The following CDH12 variants were observed in gnomAD, a reference collection of about 807,000 sequenced individuals.
The protein encoded by CDH12 is cadherin 12, also known as cadherin-12.
CDH12 carries 41 observed loss-of-function variants against 74.1 expected under a neutral mutation model. The ratio of observed to expected loss-of-function variants is 0.55; its 90% CI spans 0.43 to 0.72. The LOEUF (loss-of-function observed/expected upper bound fraction) is 0.72. Among genes scored for constraint, CDH12 ranks in the 30% least tolerant of loss-of-function variants. CDH12 has a pLI of 0.00. For synonymous variants in CDH12, 399 were observed against 355.0 expected (o/e 1.12, Z -1.39); for missense variants, 945 against 977.2 (o/e 0.97, Z 0.44).
chr5:22,124,458 A>T (rs1239743476), intron 4 of CDH12, among the ~76,000 whole-genome samples: 1 of 152,000 alleles, frequency 6.6e-6, no homozygotes, highest in Non-Finnish European at 1.5e-5. Context: ...TTACTTCCTG[A>T]GGTCTGTGCA....
chr5:22,791,034 A>C (rs1453164218), intron 1 of CDH12, among the ~76,000 whole-genome samples: 1 of 152,228 alleles, frequency 6.6e-6, no homozygotes, highest in Non-Finnish European at 1.5e-5. Flanking sequence ...TAGGCCCAAG[A>C]TTATACAGGC....
chr5:22,842,364 T>G (rs1380326131), intron 1 of CDH12, among the ~76,000 whole-genome samples: 1 of 152,054 alleles, frequency 6.6e-6, no homozygotes, highest in Non-Finnish European at 1.5e-5. Context: ...CCTGTAAACA[T>G]GAATGACAGT....
chr5:22,685,940 A>G (rs1309880077), intron 1 of CDH12, among the ~76,000 whole-genome samples: 1 of 152,168 alleles, frequency 6.6e-6, no homozygotes, highest in Non-Finnish European at 1.5e-5. Flanking sequence ...ATACTGTAGT[A>G]ATTATAGTTG....
chr5:22,025,620 C>T (rs946788260), intron 5 of CDH12, among the ~76,000 whole-genome samples: 2 of 152,100 alleles, frequency 1.3e-5, no homozygotes, highest in South Asian at 4.1e-4. Flanking sequence ...AAGTTTGCTG[C>T]ATTTATTCAC....
At chr5:22,592,381 T>C (rs1259911967) in intron 1 of CDH12, among the ~76,000 whole-genome samples, 2 of 152,158 alleles carry the variant, frequency 1.3e-5, no homozygotes, top group Non-Finnish European at 2.9e-5. Context: ...GCACTTTCTC[T>C]TCCTGCCAGG....
intron 1 of CDH12, among the ~76,000 whole-genome samples, chr5:22,795,228 G>A (rs1398533553): frequency 1.3e-5 from 2 of 152,118 alleles, no homozygotes; most frequent in African/African-American, 4.8e-5. Context: ...GATGAATTGA[G>A]TAAGAAATAG....
intron 6 of CDH12, among the ~76,000 whole-genome samples, chr5:21,911,849 AT>A (rs34258046): frequency 0.014 from 2,175 of 151,908 alleles, 56 homozygotes; most frequent in African/African-American, 0.048. Context: ...TTCAACTTTA[AT>A]TTTTTTTGTT....
At chr5:22,206,470 A>T (rs540931755) in intron 4 of CDH12, among the ~76,000 whole-genome samples, 181 of 152,010 alleles carry the variant, frequency 1.2e-3, no homozygotes, top group African/African-American at 4.1e-3. Context: ...TATGTCTCAA[A>T]CTGTGGTTCC....
chr5:21,919,452 G>T (rs1241940461), intron 6 of CDH12, among the ~76,000 whole-genome samples: 1 of 151,656 alleles, frequency 6.6e-6, no homozygotes, highest in Non-Finnish European at 1.5e-5. Flanking sequence ...ACATGTTAAC[G>T]TTTCAATTCC....
In CDH12 at chr5:22,623,021, C is replaced by A. The variant is rs191154440; in HGVS notation, c.-522-117657G>T. Among the ~76,000 whole-genome samples the A allele has an allele frequency of 4.1e-3, 619 of 152,248 alleles. 1 individual carries two copies. Among genetic ancestry groups the A allele is most frequent in the African/African-American group, 0.014 (598 of 41,536 alleles). On this transcript the variant is annotated intron_variant, in intron 1 of 14. Coordinates refer to ENST00000382254, the MANE Select transcript of CDH12 (RefSeq NM_004061.5). The stretch of plus-strand genomic sequence containing the variant: ...GGATGCAAGACTGGTTCAACATACG[C>A]AAATCAATAAACGTAATCAGCATAT...
At chr5:22,183,437 G>A (rs865919384) in intron 4 of CDH12, among the ~76,000 whole-genome samples, 1 of 152,116 alleles carries the variant, frequency 6.6e-6, no homozygotes, top group Non-Finnish European at 1.5e-5. Context: ...TTTTTGAGTT[G>A]TAAAGTGCAT....
rs551539876 is a variant in CDH12, at chr5:22,467,263, A to G, written c.-428+38007T>C. ...AAAATTTTAACTGTTTAGCGAGATG[A>G]CATGTTGCTCTCCATTTGTACTCTT... On this transcript the variant is annotated intron_variant, in intron 2 of 14. Transcript: ENST00000382254. 5.3e-5 allele frequency among the ~76,000 whole-genome samples: 8 copies of G among 152,266 alleles called. No homozygotes were observed. In the South Asian group the frequency reaches 1.7e-3, roughly 32 times the overall value.
In CDH12 at chr5:21,751,921, T is replaced by A. The variant is rs1361993313; in HGVS notation, c.2201A>T (p.Asp734Val). 2 of 1,614,008 alleles carry A rather than the reference T, an allele frequency of 1.2e-6. No individual in the cohort carries two copies. The highest frequency in any genetic ancestry group is 2.2e-5 in the South Asian group (2 of 91,076). The change falls in exon 15 of 15, where the codon GAT becomes GTT. Residue 734 changes from aspartate (D) to valine (V), a missense_variant. This residue lies in a region of CDH12 where 791 missense variants were observed against 792.8 expected (regional missense o/e 1.00). Transcript: ENST00000382254. The stretch of plus-strand genomic sequence containing the variant: ...TTCGTAGGCATATGTGGCCAGTGAA[T>A]CGTATGGTGGGGCAGTTGGATCCAC... ...NDVDPTAPPY[D>V]SLATYAYEGS...
intron 6 of CDH12, among the ~76,000 whole-genome samples, chr5:21,920,688 A>AATAATAATAATC (rs567836094): frequency 2.7e-5 from 4 of 150,004 alleles, no homozygotes; most frequent in Non-Finnish European, 5.9e-5. Context: ...TAATAATAAT[A>AATAATAATAATC]ATCTTCAAAG....
chr5:22,480,641 A>G (rs1276615558), intron 2 of CDH12, among the ~76,000 whole-genome samples: 1 of 152,000 alleles, frequency 6.6e-6, no homozygotes, highest in Non-Finnish European at 1.5e-5. Context: ...TCCAAAGGAC[A>G]CATTGCCCAA....
chr5:22,817,040 C>T (rs1164947672), intron 1 of CDH12, among the ~76,000 whole-genome samples: 1 of 152,132 alleles, frequency 6.6e-6, no homozygotes, highest in Non-Finnish European at 1.5e-5. Flanking sequence ...AAATTGATCT[C>T]CCTATACCTC....
At chr5:22,772,833 A>G (rs886736081) in intron 1 of CDH12, among the ~76,000 whole-genome samples, 1 of 152,138 alleles carries the variant, frequency 6.6e-6, no homozygotes, top group African/African-American at 2.4e-5. Context: ...GATGGTGACT[A>G]TGAAAATACT....
chr5:22,680,999 T>C (rs1167274876), intron 1 of CDH12, among the ~76,000 whole-genome samples: 1 of 152,094 alleles, frequency 6.6e-6, no homozygotes, highest in Non-Finnish European at 1.5e-5. Context: ...TTGAGGTGTA[T>C]ATTTCATTAC....
intron 1 of CDH12, among the ~76,000 whole-genome samples, chr5:22,545,807 G>A (rs1738298699): frequency 6.6e-6 from 1 of 152,136 alleles, no homozygotes; most frequent in East Asian, 1.9e-4. Context: ...TAAGTACAAG[G>A]TGAAATCACA....
Sources: gnomAD v4.1 joint callset for allele counts (sites outside exome capture counted in the v4.1 genomes callset) on GRCh38, gnomAD v4.1.1 for gene constraint, gnomAD v4.1.1 regional missense constraint, MANE v1.5 for transcripts, NCBI Gene and HGNC (gene_info 2026-07-23, HGNC 2026-07-21) for gene names.